The following GRM8 variants were observed in gnomAD, a reference collection of about 807,000 sequenced individuals.
The protein encoded by GRM8 is metabotropic glutamate receptor 8.
Under a neutral mutation model 87.2 loss-of-function variants are expected in GRM8, and 47 were observed. The observed-to-expected ratio is 0.54, with a 90% CI of 0.43 to 0.69. The LOEUF is 0.69. Among genes scored for constraint, GRM8 ranks in the 30% least tolerant of loss-of-function variants. The probability of loss-of-function intolerance (pLI) is 0.00; values close to 1 mark genes in which losing one functional copy is unlikely to be tolerated. For synonymous variants in GRM8, 396 were observed against 404.5 expected, an observed-to-expected ratio of 0.98 and a Z score of 0.25; for missense variants, 1,019 against 1,139.2, an observed-to-expected ratio of 0.89 and a Z score of 1.52.
chr7:126,602,297 T>C (rs987469476), intron 8 of GRM8, among the ~76,000 whole-genome samples: 11 of 146,910 alleles, frequency 7.5e-5, no homozygotes, highest in Admixed American at 6.9e-4. Flanking sequence ...TCTATATCTC[T>C]GTTTTGGTAG....
intron 6 of GRM8, among the ~76,000 whole-genome samples, chr7:126,844,615 A>G (rs1193985245): frequency 1.3e-5 from 2 of 152,160 alleles, no homozygotes; most frequent in Admixed American, 1.3e-4. Flanking sequence ...TTGAGTGGCT[A>G]AAGAACAGCA....
chr7:126,902,133 A>G (rs925930027), intron 6 of GRM8, among the ~76,000 whole-genome samples: 2 of 152,234 alleles, frequency 1.3e-5, no homozygotes, highest in Non-Finnish European at 2.9e-5. Flanking sequence ...ATAGTATTAT[A>G]GAGGACAGCG....
chr7:126,557,827 T>TTA (rs924976126), intron 8 of GRM8, among the ~76,000 whole-genome samples: 10 of 152,094 alleles, frequency 6.6e-5, no homozygotes, highest in African/African-American at 2.2e-4. Context: ...TGTATGTATA[T>TTA]TATATATATA....
At chr7:126,455,429 G>T (rs997733643) in intron 9 of GRM8, among the ~76,000 whole-genome samples, 1 of 150,770 alleles carries the variant, frequency 6.6e-6, no homozygotes, top group Non-Finnish European at 1.5e-5. Flanking sequence ...AATAGATTTG[G>T]GCCAAATTTC....
chr7:126,468,438 T>C (rs1014038373), intron 9 of GRM8, among the ~76,000 whole-genome samples: 2 of 152,060 alleles, frequency 1.3e-5, no homozygotes, highest in Admixed American at 1.3e-4. Context: ...CACTTGCCAA[T>C]GTCTTAACTT....
chr7:126,736,515 T>C (rs1298644735), intron 7 of GRM8, among the ~76,000 whole-genome samples: 1 of 152,026 alleles, frequency 6.6e-6, no homozygotes, highest in African/African-American at 2.4e-5. Context: ...TATGACATAA[T>C]GGGTGTCAAT....
At chr7:126,617,143 C>G (rs1799587202) in intron 7 of GRM8, among the ~76,000 whole-genome samples, 1 of 152,116 alleles carries the variant, frequency 6.6e-6, no homozygotes, top group Admixed American at 6.5e-5. Flanking sequence ...TACTGGCAAA[C>G]CAAATCCAGA....
chr7:126,597,608 T>A (rs974575563), intron 8 of GRM8, among the ~76,000 whole-genome samples: 1 of 152,088 alleles, frequency 6.6e-6, no homozygotes, highest in African/African-American at 2.4e-5. Context: ...GATTAAAATA[T>A]CATTTATTTT....
At chr7:126,765,914 T>C (rs1203106028) in intron 7 of GRM8, among the ~76,000 whole-genome samples, 3 of 152,092 alleles carry the variant, frequency 2.0e-5, no homozygotes, top group Admixed American at 2.0e-4. Flanking sequence ...TCAGTGATTT[T>C]AAAAAATCAG....
chr7:126,609,700 C>T lies in GRM8; in HGVS notation c.1358-202G>A, dbSNP rs78969918. On this transcript the variant is annotated intron_variant, in intron 7 of 10. Coordinates refer to ENST00000339582, the MANE Select transcript of GRM8 (RefSeq NM_000845.3). Reference sequence around the variant, plus strand: ...CCCAGACATACACACACGAGTAAGACGTGCTTTATTGTACATATTAGAAAG... The same window carrying T: ...CCCAGACATACACACACGAGTAAGATGTGCTTTATTGTACATATTAGAAAG... 2.9e-3 allele frequency among the ~76,000 whole-genome samples: 440 copies of T among 152,216 alleles called. 11 individuals are homozygous for T. The South Asian group carries it at 0.042, about 15-fold the overall frequency.
At chr7:126,596,138 A>G (rs1797167961) in intron 8 of GRM8, among the ~76,000 whole-genome samples, 1 of 152,184 alleles carries the variant, frequency 6.6e-6, no homozygotes, top group South Asian at 2.1e-4. Flanking sequence ...AAAAACCCCA[A>G]AAACCAAAAC....
intron 8 of GRM8, among the ~76,000 whole-genome samples, chr7:126,564,360 A>G (rs1794011497): frequency 6.6e-6 from 1 of 152,230 alleles, no homozygotes; most frequent in African/African-American, 2.4e-5. Context: ...TTACCAGCAT[A>G]TGGAACCAGA....
At chr7:126,827,346 G>A (rs1053356458) in intron 6 of GRM8, among the ~76,000 whole-genome samples, 2 of 152,152 alleles carry the variant, frequency 1.3e-5, no homozygotes, top group Admixed American at 1.3e-4. Flanking sequence ...CCATCCATGA[G>A]GATGGAATGT....
intron 7 of GRM8, among the ~76,000 whole-genome samples, chr7:126,712,801 T>C (rs1404799977): frequency 1.3e-5 from 2 of 152,116 alleles, no homozygotes; most frequent in African/African-American, 4.8e-5. Context: ...TAGACACTTC[T>C]CAAAAGAAGA....
intron 6 of GRM8, among the ~76,000 whole-genome samples, chr7:126,813,520 C>A (rs903471861): frequency 6.6e-6 from 1 of 152,034 alleles, no homozygotes; most frequent in Non-Finnish European, 1.5e-5. Context: ...TAAAACTACT[C>A]ATCATGGTAC....
intron 7 of GRM8, among the ~76,000 whole-genome samples, chr7:126,663,055 T>C (rs904791850): frequency 2.6e-5 from 4 of 152,252 alleles, no homozygotes; most frequent in Admixed American, 2.6e-4. Context: ...TCCTAGCTTA[T>C]GCCTGCCTTT....
chr7:126,514,617 C>T lies in GRM8; in HGVS notation c.2430+18335G>A, dbSNP rs76689099. Among the ~76,000 whole-genome samples, 1,010 of 151,954 alleles carry T rather than the reference C, an allele frequency of 6.6e-3. 8 individuals carry two copies. Among genetic ancestry groups the T allele is most frequent in the African/African-American group, 0.023 (956 of 41,466 alleles). ...ATCAGGAATACAGGAAGATAACACA[C>T]GGCAAGAGGAACTTTGAATATGACT... is the stretch of plus-strand genomic sequence containing the variant. On this transcript the variant is annotated intron_variant, in intron 9 of 10. Coordinates refer to ENST00000339582, the MANE Select transcript of GRM8 (RefSeq NM_000845.3).
At chr7:126,947,559 CAT>C (rs1807676895) in intron 3 of GRM8, among the ~76,000 whole-genome samples, 1 of 151,580 alleles carries the variant, frequency 6.6e-6, no homozygotes, top group Non-Finnish European at 1.5e-5. Context: ...CACATACACA[CAT>C]ATATATGTAT....
At chr7:126,831,853 T>C (rs1479776384) in intron 6 of GRM8, among the ~76,000 whole-genome samples, 1 of 152,202 alleles carries the variant, frequency 6.6e-6, no homozygotes, top group Admixed American at 6.5e-5. Flanking sequence ...GAAACTCTTA[T>C]AGGCAAATAA....
Sources: gnomAD v4.1 joint callset for allele counts (sites outside exome capture counted in the v4.1 genomes callset) on GRCh38, gnomAD v4.1.1 for gene constraint, MANE v1.5 for transcripts, NCBI Gene and HGNC (gene_info 2026-07-23, HGNC 2026-07-21) for gene names.